The following SNTB1 variants were observed in gnomAD, a reference collection of about 807,000 sequenced individuals.
The protein encoded by SNTB1 is beta-1-syntrophin.
In SNTB1, 36 loss-of-function variants were observed where a neutral mutation model predicts 48.9. The ratio of observed to expected loss-of-function variants is 0.74; its 90% CI spans 0.56 to 0.97. The LOEUF (loss-of-function observed/expected upper bound fraction) is 0.97. Ranked by LOEUF, SNTB1 falls within the 50% of genes least tolerant of loss-of-function variation. The pLI is 0.00. For missense variants in SNTB1, 786 were observed against 703.4 expected, an observed-to-expected ratio of 1.12 and a Z score of -1.33; for synonymous variants, 299 against 294.6, an observed-to-expected ratio of 1.01 and a Z score of -0.15.
intron 5 of SNTB1, 98 bp downstream of exon 5, chr8:120,548,664 C>A: frequency 9.5e-7 from 1 of 1,051,362 alleles, no homozygotes; most frequent in East Asian, 2.4e-5. Flanking sequence ...TTAACTATCC[C>A]CAGAGGCCAG....
chr8:120,801,847 T>A (rs1212594136), intron 1 of SNTB1, among the ~76,000 whole-genome samples: 1 of 152,096 alleles, frequency 6.6e-6, no homozygotes, highest in Non-Finnish European at 1.5e-5. Context: ...AAATTCACAA[T>A]GACATTGTAA....
At chr8:120,739,825 C>T (rs904716284) in intron 1 of SNTB1, among the ~76,000 whole-genome samples, 3 of 152,136 alleles carry the variant, frequency 2.0e-5, no homozygotes, top group African/African-American at 7.2e-5. Flanking sequence ...ACATTTTTGC[C>T]TTCTGCACAG....
At chr8:120,565,055 A>G (rs1272854635) in intron 4 of SNTB1, among the ~76,000 whole-genome samples, 1 of 152,114 alleles carries the variant, frequency 6.6e-6, no homozygotes, top group African/African-American at 2.4e-5. Context: ...TTAAGGAGAT[A>G]TTTTTGGAGA....
At chr8:120,792,661 G>A (rs976968189) in intron 1 of SNTB1, among the ~76,000 whole-genome samples, 15 of 151,902 alleles carry the variant, frequency 9.9e-5, no homozygotes, top group African/African-American at 2.7e-4. Flanking sequence ...AAAGTATAGC[G>A]TTAACCTGGG....
At chr8:120,558,003 C>T (rs1408515212) in intron 4 of SNTB1, among the ~76,000 whole-genome samples, 1 of 152,094 alleles carries the variant, frequency 6.6e-6, no homozygotes, top group Non-Finnish European at 1.5e-5. Context: ...AACTAAATAC[C>T]AAGTAAATGT....
intron 1 of SNTB1, among the ~76,000 whole-genome samples, chr8:120,741,080 G>A (rs1028638171): frequency 9.2e-5 from 14 of 152,270 alleles, no homozygotes; most frequent in African/African-American, 2.4e-4. Context: ...CAGGCAGTGC[G>A]TTTGCACAGA....
In SNTB1 at chr8:120,644,090, G is replaced by A. The variant is rs540891720; in HGVS notation, c.789-11439C>T. On this transcript the variant is annotated intron_variant, in intron 2 of 6. Coordinates refer to ENST00000517992, the MANE Select transcript of SNTB1 (RefSeq NM_021021.4). The stretch of plus-strand genomic sequence containing the variant: ...AAAAAGCCTGTTAGCAAATGTAGAG[G>A]GAGAGTTTTTGAAGCTGTGTACCAG... 8.5e-5 allele frequency among the ~76,000 whole-genome samples: 13 copies of A among 152,174 alleles called. No homozygotes were observed. In the South Asian group the frequency reaches 1.0e-3, roughly 12 times the overall value.
intron 4 of SNTB1, among the ~76,000 whole-genome samples, chr8:120,564,407 T>C (rs1394784916): frequency 6.7e-6 from 1 of 149,520 alleles, no homozygotes; most frequent in Non-Finnish European, 1.5e-5. Flanking sequence ...CAGAAACTGA[T>C]CATGCTGGCA....
chr8:120,580,735 C>T (rs1274637400), intron 3 of SNTB1, among the ~76,000 whole-genome samples: 2 of 152,186 alleles, frequency 1.3e-5, no homozygotes, highest in Non-Finnish European at 2.9e-5. Flanking sequence ...CATTGATCAA[C>T]TTCTAAATGC....
At chr8:120,692,919 C>T (rs1001587437) in intron 2 of SNTB1, among the ~76,000 whole-genome samples, 2 of 152,108 alleles carry the variant, frequency 1.3e-5, no homozygotes, top group African/African-American at 4.8e-5. Flanking sequence ...AAAGGAATAC[C>T]TGAGGCTAGG....
chr8:120,644,065 A>G (rs1354747818), intron 2 of SNTB1, among the ~76,000 whole-genome samples: 1 of 152,202 alleles, frequency 6.6e-6, no homozygotes, highest in Non-Finnish European at 1.5e-5. Flanking sequence ...AAAGTCCTGT[A>G]AAAAGCCTGT....
chr8:120,791,729 G>C (rs10282950), intron 1 of SNTB1, among the ~76,000 whole-genome samples: 1 of 151,638 alleles, frequency 6.6e-6, no homozygotes, highest in Non-Finnish European at 1.5e-5. Flanking sequence ...AGGGAAATGC[G>C]AATTAAAATT....
Position 120,563,776 on chromosome 8 carries a change from G to A in SNTB1, c.1136+11310C>T, listed in dbSNP as rs7812415. On this transcript the variant is annotated intron_variant, in intron 4 of 6. Coordinates refer to ENST00000517992, the MANE Select transcript of SNTB1 (RefSeq NM_021021.4). Reference sequence around the variant, plus strand: ...CCTAGCTCTGCTACAGGGAAGAGAAGGGGACTGACAGTCACCTGGCCCTAC... The same window carrying A: ...CCTAGCTCTGCTACAGGGAAGAGAAAGGGACTGACAGTCACCTGGCCCTAC... Among the ~76,000 whole-genome samples the A allele has an allele frequency of 8.6e-3, 1,308 of 152,278 alleles. 31 individuals are homozygous for A. Among genetic ancestry groups the A allele is most frequent in the African/African-American group, 0.03 (1,247 of 41,558 alleles).
At chr8:120,764,429 A>G (rs1359363589) in intron 1 of SNTB1, among the ~76,000 whole-genome samples, 2 of 152,246 alleles carry the variant, frequency 1.3e-5, no homozygotes, top group Non-Finnish European at 2.9e-5. Flanking sequence ...TTTATCCAGA[A>G]GTCTACACAA....
chr8:120,715,438 C>T (rs975372153), intron 1 of SNTB1, among the ~76,000 whole-genome samples: 17 of 152,138 alleles, frequency 1.1e-4, no homozygotes, highest in African/African-American at 1.9e-4. Context: ...GCCCAGAAAA[C>T]GATAGCAAAT....
chr8:120,658,796 G>A (rs1021696894), intron 2 of SNTB1, among the ~76,000 whole-genome samples: 5 of 152,142 alleles, frequency 3.3e-5, no homozygotes, highest in African/African-American at 1.2e-4. Flanking sequence ...CTTAAAATAA[G>A]ACAAGGAAGT....
chr8:120,689,920 T>C (rs1013780107), intron 2 of SNTB1, among the ~76,000 whole-genome samples: 12 of 152,206 alleles, frequency 7.9e-5, no homozygotes, highest in Admixed American at 2.6e-4. Context: ...GAAAAGTAAG[T>C]GTATTCTCTA....
At chr8:120,805,362 T>A (rs1283662932) in intron 1 of SNTB1, among the ~76,000 whole-genome samples, 3 of 152,156 alleles carry the variant, frequency 2.0e-5, no homozygotes, top group African/African-American at 7.2e-5. Flanking sequence ...TGGAGAATTA[T>A]CCTGGTGTGT....
In SNTB1 at chr8:120,632,623, T is replaced by C. The variant is rs1817003924; in HGVS notation, c.817A>G (p.Lys273Glu). Residue 273 changes from lysine to glutamate, a missense_variant, in exon 3 of 7, where the codon AAG (lysine) becomes GAG (glutamate). By Grantham distance (56) the Lys-to-Glu change is moderately conservative. Coordinates refer to ENST00000517992, the MANE Select transcript of SNTB1 (RefSeq NM_021021.4). Reference protein sequence around the residue: ...RQLEIHSPDAKHTVILRSKDS... With the variant: ...RQLEIHSPDAEHTVILRSKDS... ...TTGCTCCTTAGGATCACCGTGTGCT[T>C]AGCATCTGGAGAGTGGATTTCAAGC... 1.2e-6 allele frequency: 2 copies of C among 1,614,096 alleles called. No individual in the cohort carries two copies. The highest frequency in any genetic ancestry group is 1.3e-5 in the African/African-American group (1 of 75,006).
Sources: gnomAD v4.1 joint callset for allele counts (sites outside exome capture counted in the v4.1 genomes callset) on GRCh38, gnomAD v4.1.1 for gene constraint, MANE v1.5 for transcripts, NCBI Gene and HGNC (gene_info 2026-07-23, HGNC 2026-07-21) for gene names.